Variants in SAMMSON observed in about 807,000 individuals in gnomAD.
SAMMSON encodes the protein survival associated mitochondrial melanoma specific oncogenic non-coding RNA.
At chr3:70,323,352 G>T (rs529115062) in intron 7 of SAMMSON, among the ~76,000 whole-genome samples, 6 of 152,110 alleles carry the variant, frequency 3.9e-5, no homozygotes, top group African/African-American at 1.4e-4. Flanking sequence ...TTTCTACATT[G>T]CCAGCTCATT....
intron 6 of SAMMSON, chr3:70,272,291 C>T (rs1378800492): frequency 1.5e-5 from 2 of 135,972 alleles, no homozygotes; most frequent in Admixed American, 1.5e-4. Context: ...ATCATCACAC[C>T]CTTACCAGCC....
intron 4 of SAMMSON, among the ~76,000 whole-genome samples, chr3:70,214,257 T>C (rs1306201792): frequency 6.6e-6 from 1 of 152,126 alleles, no homozygotes; most frequent in African/African-American, 2.4e-5. Context: ...TTGGAAGACG[T>C]CCTTTAAAGA....
intron 4 of SAMMSON, among the ~76,000 whole-genome samples, chr3:70,159,824 T>C (rs548091144): frequency 6.6e-6 from 1 of 152,230 alleles, no homozygotes; most frequent in Non-Finnish European, 1.5e-5. Context: ...CCCAAAGTGC[T>C]GGAATTACAG....
intron 4 of SAMMSON, among the ~76,000 whole-genome samples, chr3:70,132,214 C>T (rs1395349221): frequency 6.6e-6 from 1 of 152,164 alleles, no homozygotes; most frequent in Non-Finnish European, 1.5e-5. Flanking sequence ...CTTTTTGTGA[C>T]TTCAATACAG....
chr3:70,421,165 A>G (rs1191875208), intron 2 of SAMMSON, among the ~76,000 whole-genome samples: 1 of 152,110 alleles, frequency 6.6e-6, no homozygotes, highest in Non-Finnish European at 1.5e-5. Flanking sequence ...CAGTTAGTAA[A>G]GGCATTTCTT....
At chr3:70,323,080 A>C (rs1559563673) in intron 7 of SAMMSON, among the ~76,000 whole-genome samples, 3 of 152,088 alleles carry the variant, frequency 2.0e-5, no homozygotes. Context: ...AATTAGATTG[A>C]AAATGGCATC....
intron 9 of SAMMSON, among the ~76,000 whole-genome samples, chr3:70,366,808 T>C (rs1485005538): frequency 6.6e-6 from 1 of 151,716 alleles, no homozygotes; most frequent in Non-Finnish European, 1.5e-5. Context: ...ATAGTGGAGC[T>C]CTGTTGCTCC....
chr3:70,019,826 C>G (rs1474165607), intron 3 of SAMMSON, among the ~76,000 whole-genome samples: 1 of 152,116 alleles, frequency 6.6e-6, no homozygotes, highest in African/African-American at 2.4e-5. Flanking sequence ...TCCATATTAA[C>G]ACATTCAAGG....
At chr3:70,221,071 G>T (rs1701457147) in intron 4 of SAMMSON, among the ~76,000 whole-genome samples, 1 of 152,096 alleles carries the variant, frequency 6.6e-6, no homozygotes, top group Admixed American at 6.6e-5. Flanking sequence ...ACAATAACTA[G>T]CACTGGTGAA....
intron 3 of SAMMSON, among the ~76,000 whole-genome samples, chr3:70,015,660 A>G (rs1399483046): frequency 6.9e-6 from 1 of 145,324 alleles, no homozygotes; most frequent in East Asian, 1.9e-4. Flanking sequence ...GGTGTGCTGC[A>G]CCCATTAACT....
chr3:70,233,133 G>A (rs1380957411), intron 4 of SAMMSON, among the ~76,000 whole-genome samples: 1 of 152,206 alleles, frequency 6.6e-6, no homozygotes, highest in Non-Finnish European at 1.5e-5. Flanking sequence ...AGTTTGCAGT[G>A]AGCCAAGATC....
chr3:70,282,546 C>A (rs571855856), intron 6 of SAMMSON, among the ~76,000 whole-genome samples: 2 of 152,268 alleles, frequency 1.3e-5, no homozygotes, highest in South Asian at 4.1e-4. Flanking sequence ...ATTTTGTTGG[C>A]TTTGAACATT....
chr3:70,396,456 A>T (rs184948917), intron 2 of SAMMSON, among the ~76,000 whole-genome samples: 4 of 152,302 alleles, frequency 2.6e-5, no homozygotes, highest in Admixed American at 6.5e-5. Context: ...GTAATAATTC[A>T]TGTGTTTACC....
At chr3:70,151,442 TG>T (rs2067571656) in intron 4 of SAMMSON, among the ~76,000 whole-genome samples, 1 of 152,070 alleles carries the variant, frequency 6.6e-6, no homozygotes, top group African/African-American at 2.4e-5. Context: ...CAATCCCAAC[TG>T]GATTTCTGTT....
Position 70,425,450 on chromosome 3 carries a change from C to T in SAMMSON, n.234-37110C>T, listed in dbSNP as rs536552975. Among the ~76,000 whole-genome samples the T allele has an allele frequency of 1.9e-3, 293 of 151,824 alleles. 2 individuals are homozygous for T. The highest frequency in any genetic ancestry group is 6.5e-3 in the African/African-American group (268 of 41,350). On this transcript the variant is annotated intron_variant and non_coding_transcript_variant, in intron 2 of 3. Coordinates refer to the SAMMSON transcript ENST00000641053. ...TTATTGAGTCGGAGTCTCACTCTGT[C>T]GCCCAGGCTGGAGTGCAGTGGCGTG...
chr3:70,081,647 A>T (rs1470047054), intron 4 of SAMMSON, among the ~76,000 whole-genome samples: 1 of 152,236 alleles, frequency 6.6e-6, no homozygotes, highest in Admixed American at 6.5e-5. Context: ...GTATGGGCTC[A>T]GTATATATTT....
chr3:70,003,917 G>A (rs1170172981), intron 1 of SAMMSON, among the ~76,000 whole-genome samples: 2 of 151,762 alleles, frequency 1.3e-5, no homozygotes, highest in Admixed American at 6.6e-5. Context: ...AGGTGATAAT[G>A]GTATTATACT....
intron 2 of SAMMSON, among the ~76,000 whole-genome samples, chr3:70,425,876 C>G (rs1018633171): frequency 1.3e-5 from 2 of 152,172 alleles, no homozygotes; most frequent in Non-Finnish European, 2.9e-5. Flanking sequence ...TAGTAATTCT[C>G]TTGGGGCCAC....
At chr3:70,380,116 A>G (rs570225793) in intron 9 of SAMMSON, among the ~76,000 whole-genome samples, 80 of 152,116 alleles carry the variant, frequency 5.3e-4, no homozygotes, top group African/African-American at 1.9e-3. Context: ...CAATTCAAAG[A>G]AAAAAAATTA....
Sources: gnomAD v4.1 joint callset for allele counts (sites outside exome capture counted in the v4.1 genomes callset) on GRCh38, gnomAD v4.1.1 for gene constraint, MANE v1.5 for transcripts, NCBI Gene and HGNC (gene_info 2026-07-23, HGNC 2026-07-21) for gene names.